RPTOR: variants seen among roughly 807,000 people sequenced by gnomAD.
The protein encoded by RPTOR is regulatory-associated protein of mTOR.
A neutral mutation model predicts 169.9 loss-of-function variants in RPTOR; 21 were observed. The ratio of observed to expected loss-of-function variants is 0.12; its 90% confidence interval spans 0.09 to 0.18. The LOEUF (loss-of-function observed/expected upper bound fraction) is 0.18. RPTOR is among the 10% of genes least tolerant of loss of function. The pLI is 1.00. For synonymous variants in RPTOR, 732 were observed against 753.2 expected, an observed-to-expected ratio of 0.97 and a Z score of 0.46; for missense variants, 1,133 against 1,855.9, an observed-to-expected ratio of 0.61 and a Z score of 7.16.
intron 4 of RPTOR, among the ~76,000 whole-genome samples, chr17:80,715,732 C>T (rs2066234531): frequency 6.6e-6 from 1 of 151,752 alleles, no homozygotes; most frequent in Non-Finnish European, 1.5e-5. Context: ...CACCCTTCTC[C>T]CCAAGTCCCC....
chr17:80,560,903 G>A (rs1279784784), intron 1 of RPTOR, among the ~76,000 whole-genome samples: 1 of 133,010 alleles, frequency 7.5e-6, no homozygotes, highest in East Asian at 2.2e-4. Context: ...GTTGAGTCAA[G>A]GAAGGGAGCA....
chr17:80,628,177 G>A (rs534509524), intron 2 of RPTOR, among the ~76,000 whole-genome samples: 3 of 151,854 alleles, frequency 2.0e-5, no homozygotes, highest in Non-Finnish European at 4.4e-5. Context: ...CTGAACTGTC[G>A]GTTTTTTAAA....
rs758278617 is a variant in RPTOR, at chr17:80,662,435, T to TA, written c.348+18626dup. Reference sequence around the variant, plus strand: ...CTGAGAACTCAGAGACTAGGGTTTTTATGGATAATTTGGTGGGCGGGGCTA... The same window carrying TA: ...CTGAGAACTCAGAGACTAGGGTTTTTAATGGATAATTTGGTGGGCGGGGCTA... On this transcript the variant is annotated intron_variant, in intron 3 of 33. Transcript: ENST00000306801. Among the ~76,000 whole-genome samples the TA allele has an allele frequency of 5.3e-5, 8 of 152,188 alleles. No homozygotes were observed. The East Asian group carries it at 1.5e-3, about 29-fold the overall frequency.
chr17:80,634,918 G>T (rs564446878), intron 2 of RPTOR, among the ~76,000 whole-genome samples: 79 of 152,188 alleles, frequency 5.2e-4, no homozygotes, highest in African/African-American at 1.7e-3. Flanking sequence ...TGTGCATACT[G>T]TGTGTGCATA....
intron 1 of RPTOR, among the ~76,000 whole-genome samples, chr17:80,617,804 T>A (rs970211713): frequency 2.6e-5 from 4 of 152,178 alleles, no homozygotes; most frequent in Non-Finnish European, 5.9e-5. Flanking sequence ...GGCGGTGGGC[T>A]GACTGGCTGC....
At chr17:80,915,507 G>A (rs74758870) in intron 21 of RPTOR, among the ~76,000 whole-genome samples, 6 of 127,182 alleles carry the variant, frequency 4.7e-5, no homozygotes, top group East Asian at 2.5e-4. Context: ...TCTCCTCTCT[G>A]CTGAGAGCTG....
chr17:80,775,721 C>A (rs2066886240), intron 6 of RPTOR, among the ~76,000 whole-genome samples: 2 of 152,150 alleles, frequency 1.3e-5, no homozygotes, highest in African/African-American at 2.4e-5. Flanking sequence ...CCTTTGCTAT[C>A]TTTTAATTTA....
Position 80,916,535 on chromosome 17 carries a change from C to G in RPTOR, c.2521-6189C>G, listed in dbSNP as rs1227022092. Among the ~76,000 whole-genome samples, 3 of 152,244 alleles carry G rather than the reference C, an allele frequency of 2.0e-5. No individual in the cohort carries two copies. The South Asian group carries it at 6.2e-4, about 32-fold the overall frequency. On this transcript the variant is annotated intron_variant, in intron 21 of 33. Transcript: ENST00000306801. ...GTGAGATGCGGGCCAGCAGTGTGAG[C>G]CAAGCGCAGCCTGCCAGGCTGAATG... is the stretch of plus-strand genomic sequence containing the variant.
rs540212460 is a variant in RPTOR, at chr17:80,883,264, A to T, written c.1585-155A>T. 6.6e-5 allele frequency among the ~76,000 whole-genome samples: 10 copies of T among 152,338 alleles called. 1 individual carries two copies. The South Asian group carries it at 2.1e-3, about 32-fold the overall frequency. The stretch of plus-strand genomic sequence containing the variant: ...TTTGAAAACAGCTGTTCTTTTTTGT[A>T]GAGTCCACGTAAAATCCAGGAGTAA... On this transcript the variant is annotated intron_variant, in intron 14 of 33. Coordinates refer to ENST00000306801, the MANE Select transcript of RPTOR (RefSeq NM_020761.3).
At chr17:80,938,430 CA>C (rs1339600921) in intron 24 of RPTOR, among the ~76,000 whole-genome samples, 2 of 152,248 alleles carry the variant, frequency 1.3e-5, no homozygotes, top group African/African-American at 2.4e-5. Context: ...CATTAAAGTG[CA>C]ATGTCTCTGT....
Position 80,918,160 on chromosome 17 carries a change from G to A in RPTOR, c.2521-4564G>A, listed in dbSNP as rs138668258. Among the ~76,000 whole-genome samples the A allele has an allele frequency of 8.1e-3, 1,238 of 152,342 alleles. 15 individuals are homozygous for A. Among genetic ancestry groups the A allele is most frequent in the African/African-American group, 0.027 (1,116 of 41,586 alleles). ...CCCTCACTGCAGACCTGGGGAACGA[G>A]GGCAGCATCAGCCTGGACTAGCATA... On this transcript the variant is annotated intron_variant, in intron 21 of 33. Transcript: ENST00000306801.
intron 3 of RPTOR, among the ~76,000 whole-genome samples, chr17:80,650,006 A>T (rs2065627446): frequency 6.6e-6 from 1 of 152,248 alleles, no homozygotes; most frequent in African/African-American, 2.4e-5. Flanking sequence ...CAATTGCACC[A>T]GAGCATAAAG....
chr17:80,840,293 C>T (rs1271041636), intron 10 of RPTOR, among the ~76,000 whole-genome samples: 3 of 150,902 alleles, frequency 2.0e-5, no homozygotes, highest in South Asian at 2.1e-4. Flanking sequence ...CTCTCTGCAC[C>T]GCAGCTCACA....
At position 80,695,620 on chromosome 17, in the gene RPTOR, CT is replaced by C. The variant is rs1308270398; in HGVS notation, c.349-12219del. On this transcript the variant is annotated intron_variant, in intron 3 of 33. Coordinates refer to ENST00000306801, the MANE Select transcript of RPTOR (RefSeq NM_020761.3). This position sits in a 1 kb window ranked among gnomAD's most constrained non-coding sequence, Gnocchi z 4.9. ...TTTACAGGAAACAAAGCAGGATGAC[CT>C]TGGGCTTCCTAGTCTCTGCACGTTA... Among the ~76,000 whole-genome samples, 1 of 152,226 alleles carries C rather than the reference CT, an allele frequency of 6.6e-6. No homozygotes were observed. Among genetic ancestry groups the C allele is most frequent in the Non-Finnish European group, 1.5e-5 (1 of 68,038 alleles).
At chr17:80,915,283 A>T (rs569568326) in intron 21 of RPTOR, among the ~76,000 whole-genome samples, 8 of 125,248 alleles carry the variant, frequency 6.4e-5, no homozygotes, top group Admixed American at 1.6e-4. Context: ...TACCCACTCC[A>T]GGGTCTCCTC....
chr17:80,663,820 T>C (rs2065742944), intron 3 of RPTOR, among the ~76,000 whole-genome samples: 2 of 151,850 alleles, frequency 1.3e-5, no homozygotes, highest in Non-Finnish European at 2.9e-5. Flanking sequence ...TGAGACTGGT[T>C]CTGTGCGTGT....
chr17:80,936,316 A>G lies in RPTOR; in HGVS notation c.2920-4180A>G, dbSNP rs906910480. On this transcript the variant is annotated intron_variant, in intron 24 of 33. Coordinates refer to ENST00000306801, the MANE Select transcript of RPTOR (RefSeq NM_020761.3). The surrounding 1 kb of genome is among the most constrained non-coding windows in gnomAD (Gnocchi z 4.1). The stretch of plus-strand genomic sequence containing the variant: ...GTCAGTTTCTTACAAAGTTAAACGT[A>G]TGCCTACCATGCAACCTAACCATTC... Among the ~76,000 whole-genome samples, 2 of 152,244 alleles carry G rather than the reference A, an allele frequency of 1.3e-5. No homozygotes were observed. The highest frequency in any genetic ancestry group is 6.5e-5 in the Admixed American group (1 of 15,278).
intron 5 of RPTOR, among the ~76,000 whole-genome samples, chr17:80,744,243 A>G (rs1247609924): frequency 8.5e-5 from 9 of 105,988 alleles, no homozygotes; most frequent in Non-Finnish European, 1.6e-4. Flanking sequence ...AGCCCTGGTT[A>G]CTAGCACTGT....
chr17:80,721,299 G>C lies in RPTOR; in HGVS notation c.508-9261G>C, dbSNP rs140395428. ...GCAGCACTGTGGAAACTGTTCTCACGACTGTGAGTCATTGAGGCTCCTGGA... is the reference window on the plus strand; with the variant it reads ...GCAGCACTGTGGAAACTGTTCTCACCACTGTGAGTCATTGAGGCTCCTGGA... On this transcript the variant is annotated intron_variant, in intron 4 of 33. Coordinates refer to ENST00000306801, the MANE Select transcript of RPTOR (RefSeq NM_020761.3). The surrounding 1 kb of genome is among the most constrained non-coding windows in gnomAD (Gnocchi z 4.7). Among the ~76,000 whole-genome samples the C allele has an allele frequency of 2.6e-5, 4 of 151,534 alleles. No individual in the cohort carries two copies. Among genetic ancestry groups the C allele is most frequent in the African/African-American group, 9.8e-5 (4 of 40,802 alleles).
Sources: allele counts gnomAD v4.1 joint callset (sites outside exome capture counted in the v4.1 genomes callset), GRCh38; gene constraint gnomAD v4.1.1; non-coding constraint Gnocchi (gnomAD v3.1); transcripts MANE v1.5; gene names NCBI Gene and HGNC (gene_info 2026-07-23, HGNC 2026-07-21).